The following SMAD3 variants were observed in gnomAD, a reference collection of about 807,000 sequenced individuals.
SMAD3 encodes SMAD family member 3.
Under a neutral mutation model 51.8 loss-of-function variants are expected in SMAD3, and 12 were observed. The ratio of observed to expected loss-of-function variants is 0.23; its 90% CI spans 0.15 to 0.38. The LOEUF (loss-of-function observed/expected upper bound fraction) is 0.38, where lower values mean the gene tolerates loss of function less well. Among genes scored for constraint, SMAD3 ranks in the 10% least tolerant of loss-of-function variants. The probability of loss-of-function intolerance (pLI) is 1.00; values close to 1 mark genes in which losing one functional copy is unlikely to be tolerated. For synonymous variants in SMAD3, 238 were observed against 227.7 expected (o/e 1.05, Z -0.41); for missense variants, 294 against 565.6 (o/e 0.52, Z 4.87).
chr15:67,180,142 C>T (rs1963013015), intron 5 of SMAD3, among the ~76,000 whole-genome samples: 1 of 152,160 alleles, frequency 6.6e-6, no homozygotes, highest in Non-Finnish European at 1.5e-5. Context: ...GCCCAGCAGT[C>T]AGTGCAGTGC....
At chr15:67,073,173 ATCTC>A (rs1013290794) in intron 1 of SMAD3, among the ~76,000 whole-genome samples, 1 of 152,094 alleles carries the variant, frequency 6.6e-6, no homozygotes, top group Admixed American at 6.5e-5. Flanking sequence ...CTTGACAAGG[ATCTC>A]TCTCTCTCTT....
chr15:67,148,312 C>T (rs1200643975), intron 1 of SMAD3, among the ~76,000 whole-genome samples: 1 of 152,184 alleles, frequency 6.6e-6, no homozygotes, highest in East Asian at 1.9e-4. Flanking sequence ...CACACACACC[C>T]CTGTCATCTA....
At chr15:67,162,781 C>T (rs1184188298) in intron 1 of SMAD3, among the ~76,000 whole-genome samples, 2 of 151,986 alleles carry the variant, frequency 1.3e-5, no homozygotes, top group Non-Finnish European at 2.9e-5. Context: ...CACCCCTTTG[C>T]CTGGTTAGTT....
At chr15:67,162,840 G>C (rs967796991) in intron 1 of SMAD3, among the ~76,000 whole-genome samples, 1 of 151,912 alleles carries the variant, frequency 6.6e-6, no homozygotes, top group Non-Finnish European at 1.5e-5. Context: ...CCTCTGAGAT[G>C]CCCTGTCCAG....
rs888499921 is a variant in SMAD3 at position 67,194,431 on chromosome 15, C to G, written c.*3895C>G. 7 of 233,108 alleles carry G rather than the reference C, an allele frequency of 3.0e-5. No individual in the cohort carries two copies. Among genetic ancestry groups the G allele is most frequent in the Non-Finnish European group, 5.9e-5 (7 of 117,998 alleles). 14.4% of individuals were successfully genotyped at this position (233,108 alleles called of 1,614,324 possible). ...AACAGGCAACTTTTCAAAAACACAG[C>G]TATCATAGAAAAGAAACTTGCCTCA... On this transcript the variant is annotated 3_prime_UTR_variant, in exon 9 of 9. Transcript: ENST00000327367.
At chr15:67,155,424 C>T (rs778313049) in intron 1 of SMAD3, among the ~76,000 whole-genome samples, 7 of 152,096 alleles carry the variant, frequency 4.6e-5, no homozygotes, top group Non-Finnish European at 8.8e-5. Context: ...TGTCCTGGGG[C>T]GGTCCATTGC....
rs1356094627 is a variant in SMAD3, at chr15:67,175,329, GGGGCAGCTTGGAGTGAGAGGGATA to G, written c.658+4739_658+4762del. On this transcript the variant is annotated intron_variant, in intron 5 of 8. Transcript: ENST00000327367. ...AGTGGCAGGAGTGAGAGGCAGGGAT[GGGGCAGCTTGGAGTGAGAGGGATA>G]GGGCAGCTTGGAGGTGGCTGATGCC... 7.9e-5 allele frequency among the ~76,000 whole-genome samples: 12 copies of G among 152,276 alleles called. No homozygotes were observed. In the South Asian group the frequency reaches 1.2e-3, roughly 16 times the overall value.
In SMAD3 at chr15:67,156,730, C is replaced by T. The variant is rs138793894; in HGVS notation, c.207-8165C>T. 1.8e-4 allele frequency among the ~76,000 whole-genome samples: 24 copies of T among 132,694 alleles called. No individual in the cohort carries two copies. The East Asian group carries it at 5.6e-3, about 31-fold the overall frequency. The allele number at this position is 132,694 out of a possible 152,430, so 87.1% of individuals were successfully genotyped here. ...GTGGTGGCTTACCTGGGCTTGGTTC[C>T]TTGCTACAGATTTGGTTTAGGTCTG... On this transcript the variant is annotated intron_variant, in intron 1 of 8. Coordinates refer to ENST00000327367, the MANE Select transcript of SMAD3 (RefSeq NM_005902.4).
rs1275172824 is a variant in SMAD3, at chr15:67,191,872, T to C, written c.*1336T>C. On this transcript the variant is annotated 3_prime_UTR_variant, in exon 9 of 9. Transcript: ENST00000327367. ...TCACCGGTGACAACTATAGCAGTTGTATTGTGTAACAAGTACTGCTCCCAG... is the reference window on the plus strand; with the variant it reads ...TCACCGGTGACAACTATAGCAGTTGCATTGTGTAACAAGTACTGCTCCCAG... The C allele has an allele frequency of 4.4e-6, 1 of 229,170 alleles. No homozygotes were observed. Among genetic ancestry groups the C allele is most frequent in the African/African-American group, 2.2e-5 (1 of 45,102 alleles). The allele number at this position is 229,170 out of a possible 1,614,324, so 14.2% of individuals were successfully genotyped here. A position where few individuals can be genotyped will look rare whatever the true frequency, so the allele number is the denominator to read the frequency against.
intron 1 of SMAD3, among the ~76,000 whole-genome samples, chr15:67,067,665 C>A (rs577639268): frequency 6.6e-6 from 1 of 152,170 alleles, no homozygotes; most frequent in East Asian, 1.9e-4. Context: ...GCAGGCCTCC[C>A]CTGGAAATAA....
chr15:67,150,334 G>A (rs1232982248), intron 1 of SMAD3, among the ~76,000 whole-genome samples: 6 of 151,712 alleles, frequency 4.0e-5, no homozygotes, highest in African/African-American at 9.7e-5. Flanking sequence ...CCCAACCCCC[G>A]CCCCCAGTCA....
intron 7 of SMAD3, among the ~76,000 whole-genome samples, chr15:67,185,568 C>T (rs1174050964): frequency 2.6e-5 from 4 of 152,042 alleles, no homozygotes; most frequent in African/African-American, 7.3e-5. Context: ...AGCATGAGGC[C>T]GTGGAAGGAC....
intron 1 of SMAD3, among the ~76,000 whole-genome samples, chr15:67,128,714 G>A (rs767168465): frequency 2.3e-4 from 35 of 151,966 alleles, no homozygotes; most frequent in South Asian, 2.1e-4. Context: ...TGGGACTGCA[G>A]GTGCACGCCA....
chr15:67,107,585 G>A (rs570875694), intron 1 of SMAD3, among the ~76,000 whole-genome samples: 2 of 152,306 alleles, frequency 1.3e-5, no homozygotes, highest in East Asian at 3.9e-4. Flanking sequence ...GGCCCTTCCC[G>A]CCTCTCTGAG....
chr15:67,115,921 G>T (rs959572664), intron 1 of SMAD3, among the ~76,000 whole-genome samples: 1 of 152,202 alleles, frequency 6.6e-6, no homozygotes, highest in Non-Finnish European at 1.5e-5. Flanking sequence ...AGACCAAAGG[G>T]TGGGTAGGAG....
chr15:67,181,540 T>C, intron 6 of SMAD3, 87 bp downstream of exon 6: 2 of 1,093,954 alleles, frequency 1.8e-6, no homozygotes, highest in Non-Finnish European at 2.6e-6. Context: ...ACACAGCCTC[T>C]GAAGGGAACC....
At chr15:67,100,455 T>C (rs909240242) in intron 1 of SMAD3, among the ~76,000 whole-genome samples, 5 of 152,036 alleles carry the variant, frequency 3.3e-5, no homozygotes, top group Non-Finnish European at 7.4e-5. Context: ...TTGTACAATA[T>C]TGTGAATGAA....
At chr15:67,091,560 C>T (rs1960509497) in intron 1 of SMAD3, among the ~76,000 whole-genome samples, 1 of 152,182 alleles carries the variant, frequency 6.6e-6, no homozygotes, top group Non-Finnish European at 1.5e-5. Flanking sequence ...GGATTGGTTT[C>T]CTTAGATTCA....
At position 67,165,173 on chromosome 15, in the gene SMAD3, G is replaced by A. The variant is rs1450443696; in HGVS notation, c.401-80G>A. ...GCTCCCCATCCCCCCGAGGGTCTGCGGTGCACTTGGGGGTGCGGGGACTTT... is the reference window on the plus strand; with the variant it reads ...GCTCCCCATCCCCCCGAGGGTCTGCAGTGCACTTGGGGGTGCGGGGACTTT... On this transcript the variant is annotated intron_variant, in intron 2 of 8. Transcript: ENST00000327367. 73 of 1,611,160 alleles carry A rather than the reference G, an allele frequency of 4.5e-5. 1 individual carries two copies. The Admixed American group carries it at 1.0e-3, about 23-fold the overall frequency.
Sources: gnomAD v4.1 joint callset for allele counts (sites outside exome capture counted in the v4.1 genomes callset) on GRCh38, gnomAD v4.1.1 for gene constraint, MANE v1.5 for transcripts, NCBI Gene and HGNC (gene_info 2026-07-23, HGNC 2026-07-21) for gene names.